The following FRMD4B variants were observed in gnomAD, a reference collection of about 807,000 sequenced individuals.
FRMD4B encodes the protein FERM domain-containing protein 4B.
Under a neutral mutation model 141.5 loss-of-function variants are expected in FRMD4B, and 74 were observed. The ratio of observed to expected loss-of-function variants is 0.52; its 90% CI spans 0.43 to 0.63. FRMD4B has a LOEUF of 0.63. FRMD4B is among the 30% of genes least tolerant of loss of function. The pLI, the probability that FRMD4B is intolerant of heterozygous loss-of-function variation, is 0.00. For missense variants in FRMD4B, 1,366 were observed against 1,253.4 expected, an observed-to-expected ratio of 1.09 and a Z score of -1.36; for synonymous variants, 506 against 467.9, an observed-to-expected ratio of 1.08 and a Z score of -1.05.
intron 1 of FRMD4B, among the ~76,000 whole-genome samples, chr3:69,332,521 C>T (rs1410152895): frequency 6.6e-6 from 1 of 152,120 alleles, no homozygotes; most frequent in Non-Finnish European, 1.5e-5. Flanking sequence ...TTCTTCCTCC[C>T]TTGTGGTCAC....
At chr3:69,180,783 G>A in intron 21 of FRMD4B, 116 bp downstream of exon 21, 1 of 685,352 alleles carries the variant, frequency 1.5e-6, no homozygotes, top group South Asian at 1.9e-5. Context: ...CCACCGAATG[G>A]TTGCCCCACT....
intron 1 of FRMD4B, among the ~76,000 whole-genome samples, chr3:69,527,588 G>C (rs1216911546): frequency 3.3e-5 from 5 of 152,140 alleles, no homozygotes; most frequent in African/African-American, 9.7e-5. Flanking sequence ...CTTTATATTT[G>C]GGATATTTTT....
At chr3:69,524,418 G>T (rs1700902403) in intron 1 of FRMD4B, among the ~76,000 whole-genome samples, 1 of 152,194 alleles carries the variant, frequency 6.6e-6, no homozygotes, top group Admixed American at 6.5e-5. Context: ...TGATCTTTCA[G>T]TTAACTCCAA....
intron 1 of FRMD4B, among the ~76,000 whole-genome samples, chr3:69,354,699 C>T (rs1703262043): frequency 6.6e-6 from 1 of 152,088 alleles, no homozygotes; most frequent in Non-Finnish European, 1.5e-5. Context: ...GGGTGGGGTA[C>T]CTCCCTTTAC....
chr3:69,261,904 C>CACA (rs2093529791), intron 5 of FRMD4B, among the ~76,000 whole-genome samples: 1 of 148,302 alleles, frequency 6.7e-6, no homozygotes, highest in African/African-American at 2.5e-5. Flanking sequence ...AACTCTTGAC[C>CACA]TTGTGATCAG....
At chr3:69,489,852 G>C (rs1055134929) in intron 1 of FRMD4B, among the ~76,000 whole-genome samples, 1 of 152,158 alleles carries the variant, frequency 6.6e-6, no homozygotes, top group Non-Finnish European at 1.5e-5. Context: ...ACTGATGAAT[G>C]GGTAAATAAA....
chr3:69,448,249 C>T (rs1377112352), intron 1 of FRMD4B, among the ~76,000 whole-genome samples: 1 of 152,124 alleles, frequency 6.6e-6, no homozygotes, highest in Non-Finnish European at 1.5e-5. Context: ...AGGCTGGTCT[C>T]GAACGCCTGA....
intron 1 of FRMD4B, among the ~76,000 whole-genome samples, chr3:69,343,799 C>T (rs553632335): frequency 4.0e-5 from 6 of 151,768 alleles, no homozygotes; most frequent in Non-Finnish European, 8.8e-5. Flanking sequence ...AGGCTGGTAT[C>T]GAACTCCTGG....
chr3:69,452,091 A>G (rs1705510352), intron 1 of FRMD4B, among the ~76,000 whole-genome samples: 1 of 152,266 alleles, frequency 6.6e-6, no homozygotes. Flanking sequence ...GAACTTTATA[A>G]TGGTAGGAGG....
chr3:69,541,826 T>A (rs1392551896), intron 1 of FRMD4B, among the ~76,000 whole-genome samples: 1 of 150,162 alleles, frequency 6.7e-6, no homozygotes, highest in Non-Finnish European at 1.5e-5. Context: ...GAAGTATCTC[T>A]GGGGGCCAGA....
chr3:69,530,385 G>C (rs1261750716), intron 1 of FRMD4B, among the ~76,000 whole-genome samples: 1 of 152,126 alleles, frequency 6.6e-6, no homozygotes, highest in Admixed American at 6.5e-5. Context: ...TTGTTAAAAA[G>C]AGTCTGGCAT....
chr3:69,214,118 C>A (rs565948871), intron 11 of FRMD4B, among the ~76,000 whole-genome samples: 2 of 152,210 alleles, frequency 1.3e-5, no homozygotes, highest in South Asian at 4.1e-4. Flanking sequence ...AGTTTCACAA[C>A]CATAAAATGG....
rs112395821 is a variant in FRMD4B, at chr3:69,255,239, A to G, written c.502-5140T>C. ...GTATGATGTCTGTAACTTACTCTCAAGTGGGTCAAAAAATTTACATATGAA... is the reference window on the plus strand; with the variant it reads ...GTATGATGTCTGTAACTTACTCTCAGGTGGGTCAAAAAATTTACATATGAA... On this transcript the variant is annotated intron_variant, in intron 5 of 22. Transcript: ENST00000398540. Among the ~76,000 whole-genome samples, 1,422 of 152,332 alleles carry G rather than the reference A, an allele frequency of 9.3e-3. 24 individuals carry two copies. The highest frequency in any genetic ancestry group is 0.033 in the African/African-American group (1,353 of 41,574).
intron 2 of FRMD4B, 35 bp from the exon 3 acceptor site, chr3:69,311,392 G>A (rs1206026633): frequency 6.5e-6 from 7 of 1,074,610 alleles, no homozygotes; most frequent in Non-Finnish European, 8.6e-6. Flanking sequence ...AAGCAATTTG[G>A]TTGCCTCTCT....
At chr3:69,280,818 T>C (rs2093641386) in intron 5 of FRMD4B, among the ~76,000 whole-genome samples, 1 of 151,984 alleles carries the variant, frequency 6.6e-6, no homozygotes, top group Non-Finnish European at 1.5e-5. Context: ...TGGAGTTCAC[T>C]ATGTTGCCCA....
intron 1 of FRMD4B, among the ~76,000 whole-genome samples, chr3:69,328,772 ACATC>A (rs1347695555): frequency 6.6e-6 from 1 of 152,248 alleles, no homozygotes; most frequent in African/African-American, 2.4e-5. Context: ...TGCCATGGCA[ACATC>A]CAGAAGTTAC....
At chr3:69,411,663 A>ATT (rs1459697386) in intron 2 of FRMD4B, among the ~76,000 whole-genome samples, 2 of 152,228 alleles carry the variant, frequency 1.3e-5, no homozygotes, top group Non-Finnish European at 2.9e-5. Context: ...GTCTAGGGAA[A>ATT]CTTTTAAGAA....
intron 1 of FRMD4B, among the ~76,000 whole-genome samples, chr3:69,369,565 T>C (rs1231084526): frequency 2.6e-5 from 4 of 152,010 alleles, no homozygotes; most frequent in African/African-American, 9.7e-5. Context: ...AAACTCAGAG[T>C]TGGTTTCTGA....
intron 1 of FRMD4B, among the ~76,000 whole-genome samples, chr3:69,477,753 T>C (rs1439726445): frequency 6.7e-6 from 1 of 149,406 alleles, no homozygotes; most frequent in Non-Finnish European, 1.5e-5. Flanking sequence ...CTTTTTCTGT[T>C]GATTGGAATA....
Sources: allele counts gnomAD v4.1 joint callset (sites outside exome capture counted in the v4.1 genomes callset), GRCh38; gene constraint gnomAD v4.1.1; transcripts MANE v1.5; gene names NCBI Gene and HGNC (gene_info 2026-07-23, HGNC 2026-07-21).